RBM4: variants seen among roughly 807,000 people sequenced by gnomAD.
RBM4 encodes the protein RNA-binding protein 4.
RBM4 carries 7 observed loss-of-function variants against 29.5 expected under a neutral mutation model. The ratio of observed to expected loss-of-function variants is 0.24; its 90% CI spans 0.14 to 0.45. RBM4 has a LOEUF of 0.45. Among genes scored for constraint, RBM4 ranks in the 20% least tolerant of loss-of-function variants. The probability of loss-of-function intolerance (pLI) is 1.00; values close to 1 mark genes in which losing one functional copy is unlikely to be tolerated. For missense variants in RBM4, 387 were observed against 502.3 expected (o/e 0.77, Z 2.19); for synonymous variants, 220 against 205.4 (o/e 1.07, Z -0.61).
At chr11:66,644,292 G>C (rs1938594474) in intron 3 of RBM4, 152 bp downstream of exon 3, 1 of 1,107,528 alleles carries the variant, frequency 9.0e-7, no homozygotes, top group South Asian at 1.7e-5. Flanking sequence ...AGTCCTAACT[G>C]CTTAACTTTA....
chr11:66,646,073 A>G lies in RBM4; in HGVS notation c.*55A>G, dbSNP rs888491516. 3 of 1,536,010 alleles carry G rather than the reference A, an allele frequency of 2.0e-6. No homozygotes were observed. The highest frequency in any genetic ancestry group is 2.6e-6 in the Non-Finnish European group (3 of 1,146,908). On this transcript the variant is annotated 3_prime_UTR_variant, in exon 4 of 4. Coordinates refer to ENST00000310092, the MANE Select transcript of RBM4 (RefSeq NM_002896.4). ...ATTCCGAGCTGCGGTTGTGCATGAG[A>G]ATACACCCTTCGTGGTACCCCATCT...
Position 66,639,882 on chromosome 11 carries a change from T to A in RBM4, c.171T>A (p.His57Gln). 1 of 1,614,076 alleles carries A rather than the reference T, an allele frequency of 6.2e-7. No homozygotes were observed. Among genetic ancestry groups the A allele is most frequent in the Non-Finnish European group, 8.5e-7 (1 of 1,180,014 alleles). The change falls in exon 2 of 4, where the codon CAT becomes CAA. Residue 57 changes from histidine (H) to glutamine (Q), a missense_variant. Physicochemically the swap from His to Gln is conservative, Grantham distance 24. This residue lies in a region of RBM4 where 106 missense variants were observed against 213.6 expected (regional missense o/e 0.50). Coordinates refer to ENST00000310092, the MANE Select transcript of RBM4 (RefSeq NM_002896.4). The stretch of plus-strand genomic sequence containing the variant: ...AGGATGCCATACGCAACCTGCACCA[T>A]TACAAGCTTCATGGGGTGAACATCA... ...AAEDAIRNLHHYKLHGVNINV... is the reference protein window; with the variant it reads ...AAEDAIRNLHQYKLHGVNINV...
chr11:66,643,335 TG>T lies in RBM4; in HGVS notation c.413-114del. 3 of 1,291,808 alleles carry T rather than the reference TG, an allele frequency of 2.3e-6. No individual in the cohort carries two copies. Among genetic ancestry groups the T allele is most frequent in the Non-Finnish European group, 3.1e-6 (3 of 961,408 alleles). The allele number at this position is 1,291,808 out of a possible 1,614,324, so 80.0% of individuals were successfully genotyped here. A position where few individuals can be genotyped will look rare whatever the true frequency, so the allele number is the denominator to read the frequency against. ...TTTCCTTTTTATCTTTTCCTAAAGA[TG>T]AGTCCTGCATTAGAATTGTCTAGAT... On this transcript the variant is annotated intron_variant, in intron 2 of 3. Transcript: ENST00000310092. This position sits in a 1 kb window ranked among gnomAD's most constrained non-coding sequence, Gnocchi z 6.1.
Position 66,666,198 on chromosome 11 carries a change from G to A in RBM4, c.*233G>A, listed in dbSNP as rs1030518893. ...GCCAAATCAAAAGAAATCATTCCTA[G>A]AATTCTCTAATCCTTCTATTGATGA... On this transcript the variant is annotated 3_prime_UTR_variant, in exon 3 of 3. Transcript: ENST00000396053. The A allele has an allele frequency of 1.5e-5, 13 of 860,090 alleles. No individual in the cohort carries two copies. In the Admixed American group the frequency reaches 5.1e-4, roughly 34 times the overall value. The allele number at this position is 860,090 out of a possible 1,614,324, so 53.3% of individuals were successfully genotyped here. A position where few individuals can be genotyped will look rare whatever the true frequency, so the allele number is the denominator to read the frequency against.
downstream of RBM4, among the ~76,000 whole-genome samples, chr11:66,647,690 AT>A (rs1164354864): frequency 6.6e-6 from 1 of 152,190 alleles, no homozygotes; most frequent in Non-Finnish European, 1.5e-5. Context: ...GACTAACAGT[AT>A]TCATTGATTC....
At chr11:66,662,755 G>T (rs1939106317) in intron 2 of RBM4, among the ~76,000 whole-genome samples, 1 of 152,196 alleles carries the variant, frequency 6.6e-6, no homozygotes, top group African/African-American at 2.4e-5. Context: ...AACCACCAGA[G>T]ATTTTGCTGA....
At chr11:66,648,822 A>T (rs571533155), downstream of RBM4, among the ~76,000 whole-genome samples, 82 of 149,520 alleles carry the variant, frequency 5.5e-4, no homozygotes, top group Admixed American at 1.2e-3. Flanking sequence ...CAAAAAAAAA[A>T]TTTTTTTTTT....
intron 2 of RBM4, chr11:66,641,043 C>T (rs1312084143): frequency 6.6e-6 from 1 of 152,188 alleles, no homozygotes; most frequent in Non-Finnish European, 1.5e-5. Flanking sequence ...AGTGGCAGTT[C>T]AGGGGTGGTG....
intron 2 of RBM4, among the ~76,000 whole-genome samples, chr11:66,659,107 A>C (rs1431949488): frequency 6.6e-6 from 1 of 151,258 alleles, no homozygotes; most frequent in African/African-American, 2.4e-5. Context: ...CACCTGTTTC[A>C]GTTCCCTATG....
intron 1 of RBM4, 140 bp from the exon 2 acceptor site, chr11:66,639,560 A>G (rs778424523): frequency 5.9e-5 from 65 of 1,095,294 alleles, no homozygotes; most frequent in Admixed American, 1.4e-4. Flanking sequence ...TCCCACTTCC[A>G]TTTGATTATT....
downstream of RBM4, among the ~76,000 whole-genome samples, chr11:66,647,622 C>T (rs1938728898): frequency 1.3e-5 from 2 of 152,200 alleles, no homozygotes; most frequent in South Asian, 4.1e-4. Context: ...GCCATTTTTA[C>T]TCTTGTCAGT....
At chr11:66,660,217 C>T (rs1939047851) in intron 2 of RBM4, among the ~76,000 whole-genome samples, 1 of 148,958 alleles carries the variant, frequency 6.7e-6, no homozygotes, top group Admixed American at 6.7e-5. Context: ...GCTTCAGGAT[C>T]AAGTATTGGA....
At chr11:66,645,552 C>G (rs543407528) in intron 3 of RBM4, among the ~76,000 whole-genome samples, 1 of 152,158 alleles carries the variant, frequency 6.6e-6, no homozygotes, top group Non-Finnish European at 1.5e-5. Flanking sequence ...GGTCTTAAAA[C>G]TTGTGCAGTT....
rs543849777 is a variant in RBM4 at position 66,662,187 on chromosome 11, A to T, written c.413-3669A>T. ...GTCCAATAGAGTAGCCACTAGCTACATGTAGCTAATTATAATTAAATAAAA... is the reference window on the plus strand; with the variant it reads ...GTCCAATAGAGTAGCCACTAGCTACTTGTAGCTAATTATAATTAAATAAAA... On this transcript the variant is annotated intron_variant, in intron 2 of 2. Coordinates refer to the RBM4 transcript ENST00000396053. Among the ~76,000 whole-genome samples, 6 of 152,328 alleles carry T rather than the reference A, an allele frequency of 3.9e-5. No individual in the cohort carries two copies. The East Asian group carries it at 9.6e-4, about 24-fold the overall frequency.
chr11:66,646,017 T>G lies in RBM4; in HGVS notation c.*9-10T>G. ...TTGCTGTAAAGCCGCTGTATTGTGC[T>G]CTCTTTCAGGTGGGATGTGTGTGGG... On this transcript the variant is annotated splice_polypyrimidine_tract_variant and intron_variant, in intron 3 of 3. Transcript: ENST00000310092. The G allele has an allele frequency of 1.3e-6, 2 of 1,536,134 alleles. No homozygotes were observed. Among genetic ancestry groups the G allele is most frequent in the Non-Finnish European group, 1.7e-6 (2 of 1,146,898 alleles).
intron 2 of RBM4, chr11:66,665,104 G>A (rs568639145): frequency 3.9e-5 from 6 of 155,612 alleles, no homozygotes; most frequent in Non-Finnish European, 7.1e-5. Flanking sequence ...ATCACAGGTC[G>A]GACATAAAAA....
downstream of RBM4, chr11:66,646,506 G>T: frequency 1.0e-6 from 1 of 989,796 alleles, no homozygotes; most frequent in South Asian, 4.6e-5. Flanking sequence ...GCTTGGGCTT[G>T]TTTGGGGGTT....
intron 2 of RBM4, among the ~76,000 whole-genome samples, chr11:66,662,311 C>T (rs979111864): frequency 1.3e-5 from 2 of 152,164 alleles, no homozygotes; most frequent in Non-Finnish European, 2.9e-5. Flanking sequence ...CCATCACTGC[C>T]AGGAGTGTTA....
chr11:66,657,235 C>T (rs540807921), intron 2 of RBM4, among the ~76,000 whole-genome samples: 7 of 151,224 alleles, frequency 4.6e-5, no homozygotes, highest in Non-Finnish European at 5.9e-5. Context: ...CCATCTCAAC[C>T]TTCCAAGTAG....
Sources: gnomAD v4.1 joint callset for allele counts (sites outside exome capture counted in the v4.1 genomes callset) on GRCh38, gnomAD v4.1.1 for gene constraint, gnomAD v4.1.1 regional missense constraint, Gnocchi (gnomAD v3.1) non-coding constraint, MANE v1.5 for transcripts, NCBI Gene and HGNC (gene_info 2026-07-23, HGNC 2026-07-21) for gene names.